Variants in PLS3 observed in about 807,000 individuals in gnomAD.
PLS3 encodes plastin-3.
PLS3 carries 11 observed loss-of-function variants against 46.5 expected under a neutral mutation model. The observed-to-expected ratio is 0.24, with a 90% CI of 0.15 to 0.39. The LOEUF (loss-of-function observed/expected upper bound fraction) is 0.39, where lower values mean the gene tolerates loss of function less well. Among genes scored for constraint, PLS3 ranks in the 10% least tolerant of loss-of-function variants. PLS3 has a pLI of 1.00. For missense variants in PLS3, 308 were observed against 461.8 expected, an observed-to-expected ratio of 0.67 and a Z score of 3.05; for synonymous variants, 167 against 162.2, an observed-to-expected ratio of 1.03 and a Z score of -0.22.
rs1319287962 is a variant in PLS3, at chrX:115,627,153, A to G, written c.238-2045A>G. On this transcript the variant is annotated intron_variant, in intron 3 of 15. Coordinates refer to ENST00000355899, the MANE Select transcript of PLS3 (RefSeq NM_005032.7). ...AGATGTGAGCCACCGTGCCCAGCCT[A>G]CTTTTCTAGTTCTAGTTATTAGTTC... Among the ~76,000 whole-genome samples, 7 of 111,636 alleles carry G rather than the reference A, an allele frequency of 6.3e-5. 1 individual carries two copies.
chrX:115,615,117 A>G (rs1212880760), intron 2 of PLS3, among the ~76,000 whole-genome samples: 2 of 111,660 alleles, frequency 1.8e-5, no homozygotes, highest in East Asian at 5.6e-4. Flanking sequence ...TTTATGAGAC[A>G]AAGTAGCACC....
intron 7 of PLS3, among the ~76,000 whole-genome samples, chrX:115,635,711 C>T (rs901391040): frequency 1.0e-4 from 11 of 107,350 alleles, no homozygotes; most frequent in Non-Finnish European, 1.7e-4. Flanking sequence ...AGATTGCAAC[C>T]GGGTGTGTTG....
chrX:115,630,933 T>TGTATA (rs1556639307), intron 5 of PLS3, among the ~76,000 whole-genome samples: 1 of 95,349 alleles, frequency 1.0e-5, no homozygotes, highest in Non-Finnish European at 2.0e-5. Flanking sequence ...ATATACAAAA[T>TGTATA]ATATATGTAT....
intron 2 of PLS3, among the ~76,000 whole-genome samples, chrX:115,616,561 A>C (rs1556636841): frequency 8.9e-6 from 1 of 112,328 alleles, no homozygotes. Context: ...ACCTGATGAG[A>C]TGGAAGCTTT....
chrX:115,640,695 A>G (rs1240320870), intron 9 of PLS3, among the ~76,000 whole-genome samples, 192 bp downstream of exon 9: 1 of 112,069 alleles, frequency 8.9e-6, no homozygotes, highest in Admixed American at 9.5e-5. Flanking sequence ...AGTGAATTCC[A>G]TCGTTGTTGT....
intron 5 of PLS3, among the ~76,000 whole-genome samples, chrX:115,630,198 C>T (rs2074750617): frequency 9.0e-6 from 1 of 111,352 alleles, no homozygotes; most frequent in Non-Finnish European, 1.9e-5. Flanking sequence ...TTCTTCTCAA[C>T]ACCAGGCCAG....
chrX:115,609,244 ACCT>A (rs1170789426), intron 1 of PLS3, among the ~76,000 whole-genome samples: 1 of 110,792 alleles, frequency 9.0e-6, no homozygotes. Flanking sequence ...TGTGATACAG[ACCT>A]CCTCTCTTTA....
chrX:115,649,295 A>G (rs1479975954), intron 15 of PLS3, 134 bp from the exon 16 acceptor site: 1 of 447,753 alleles, frequency 2.2e-6, no homozygotes, highest in Non-Finnish European at 3.5e-6. Flanking sequence ...AAAAAGCAAA[A>G]CTGTTCTAAT....
chrX:115,592,093 G>C (rs1376192068), intron 1 of PLS3, among the ~76,000 whole-genome samples: 1 of 111,705 alleles, frequency 9.0e-6, no homozygotes, highest in Non-Finnish European at 1.9e-5. Flanking sequence ...CTTTTCACAG[G>C]TGCCCACACT....
chrX:115,607,911 T>G (rs2074510532), intron 1 of PLS3, among the ~76,000 whole-genome samples: 1 of 112,023 alleles, frequency 8.9e-6, no homozygotes, highest in African/African-American at 3.2e-5. Flanking sequence ...TCTCCAGGAT[T>G]TGAGAAACCT....
chrX:115,596,543 A>C (rs1360318948), intron 1 of PLS3, among the ~76,000 whole-genome samples: 1 of 111,974 alleles, frequency 8.9e-6, no homozygotes, highest in Non-Finnish European at 1.9e-5. Flanking sequence ...CATCTCCTTT[A>C]AAATAATACA....
At chrX:115,566,543 T>C (rs2074174188) in intron 1 of PLS3, among the ~76,000 whole-genome samples, 1 of 107,873 alleles carries the variant, frequency 9.3e-6, no homozygotes, top group Non-Finnish European at 1.9e-5. Flanking sequence ...CGCCCGCCAC[T>C]GTGCCCAGCT....
intron 1 of PLS3, among the ~76,000 whole-genome samples, chrX:115,596,987 A>T (rs2074395590): frequency 9.2e-6 from 1 of 108,935 alleles, no homozygotes; most frequent in Non-Finnish European, 1.9e-5. Flanking sequence ...TCTAGTAAAA[A>T]TACAAAAACT....
chrX:115,594,605 A>T (rs1298158934), intron 1 of PLS3, among the ~76,000 whole-genome samples: 1 of 106,759 alleles, frequency 9.4e-6, no homozygotes, highest in Non-Finnish European at 1.9e-5. Flanking sequence ...CATGGTAACT[A>T]GTCTGATCTT....
Position 115,596,768 on chromosome X carries a change from C to T in PLS3, c.-8-13475C>T, listed in dbSNP as rs186060046. Among the ~76,000 whole-genome samples, 617 of 109,808 alleles carry T rather than the reference C, an allele frequency of 5.6e-3. 3 individuals are homozygous for T. Among genetic ancestry groups the T allele is most frequent in the African/African-American group, 0.019 (583 of 30,108 alleles). On this transcript the variant is annotated intron_variant, in intron 1 of 15. Transcript: ENST00000355899. ...GGGAGAATCGCTTGAACCCAGGAGTCGGAGGTTGCAGTGAGCTGAGATAGA... is the reference window on the plus strand; with the variant it reads ...GGGAGAATCGCTTGAACCCAGGAGTTGGAGGTTGCAGTGAGCTGAGATAGA...
chrX:115,639,930 A>C (rs2074877713), intron 8 of PLS3, among the ~76,000 whole-genome samples: 1 of 112,491 alleles, frequency 8.9e-6, no homozygotes, highest in Non-Finnish European at 1.9e-5. Flanking sequence ...TTTACCATTT[A>C]ATGCTTTTGT....
intron 13 of PLS3, 87 bp downstream of exon 13, chrX:115,646,622 C>A: frequency 3.8e-6 from 3 of 784,106 alleles, no homozygotes; most frequent in South Asian, 3.2e-5. Flanking sequence ...GTGGATATGT[C>A]GATAACTACA....
chrX:115,638,321 G>C, intron 8 of PLS3, among the ~76,000 whole-genome samples: 1 of 111,906 alleles, frequency 8.9e-6, no homozygotes, highest in African/African-American at 3.2e-5. Context: ...ATCTTGGTCA[G>C]ACTGGTCTCA....
At chrX:115,610,549 A>G (rs2074539073) in intron 2 of PLS3, among the ~76,000 whole-genome samples, 1 of 106,056 alleles carries the variant, frequency 9.4e-6, no homozygotes, top group Non-Finnish European at 1.9e-5. Flanking sequence ...AGTATTTAAT[A>G]TGGTCAAATT....
Sources: allele counts gnomAD v4.1 joint callset (sites outside exome capture counted in the v4.1 genomes callset), GRCh38; gene constraint gnomAD v4.1.1; transcripts MANE v1.5; gene names NCBI Gene and HGNC (gene_info 2026-07-23, HGNC 2026-07-21).